Variants in ERCC2 observed in about 807,000 individuals in gnomAD.
ERCC2 encodes general transcription and DNA repair factor IIH helicase subunit XPD.
Under a neutral mutation model 99.4 loss-of-function variants are expected in ERCC2, and 90 were observed. The observed-to-expected ratio is 0.91, with a 90% CI of 0.76 to 1.08. The LOEUF is 1.08. ERCC2 is among the 50% of genes least tolerant of loss of function. The pLI, the probability that ERCC2 is intolerant of heterozygous loss-of-function variation, is 0.00. For missense variants in ERCC2, 993 were observed against 1,038.1 expected (o/e 0.96, Z 0.60); for synonymous variants, 497 against 432.4 (o/e 1.15, Z -1.85).
At chr19:45,363,547 G>A (rs746948724) in intron 11 of ERCC2, among the ~76,000 whole-genome samples, 196 bp downstream of exon 11, 3 of 152,166 alleles carry the variant, frequency 2.0e-5, no homozygotes, top group Non-Finnish European at 2.9e-5. Flanking sequence ...GCCCCTGCCC[G>A]ACGCACGGAC....
At chr19:45,367,162 C>T (rs1334076893) in intron 5 of ERCC2, among the ~76,000 whole-genome samples, 3 of 152,104 alleles carry the variant, frequency 2.0e-5, no homozygotes, top group Non-Finnish European at 2.9e-5. Flanking sequence ...CATGGTGAAA[C>T]ACCGTCTCTA....
At chr19:45,358,108 T>C (rs746845998) in intron 12 of ERCC2, 10 of 300,790 alleles carry the variant, frequency 3.3e-5, no homozygotes, top group South Asian at 1.3e-4. Flanking sequence ...TGCAGTGGCA[T>C]GATCTCGGCT....
In ERCC2 at chr19:45,364,837, CTGAG is replaced by C. The variant is rs767747355; in HGVS notation, c.591_594del (p.Tyr197Ter). The C allele has an allele frequency of 6.2e-6, 10 of 1,610,240 alleles. No homozygotes were observed. The East Asian group carries it at 6.7e-5, about 11-fold the overall frequency. ...TCTGCCCATCCCACCAGCCTCCTCA[CTGAG>C]TATCGAGCAAGGAAGTATGGGCACC... On this transcript the variant is annotated frameshift_variant and splice_region_variant, in exon 7 of 23. Coordinates refer to ENST00000391945, the MANE Select transcript of ERCC2 (RefSeq NM_000400.4). LOFTEE classifies it high-confidence loss of function.
Position 45,364,224 on chromosome 19 carries a change from C to T in ERCC2, c.815+11G>A. On this transcript the variant is annotated intron_variant, in intron 9 of 22. Transcript: ENST00000391945. Reference sequence around the variant, plus strand: ...AGGGCGGGCACCACCGCCAGACGTCCCCGGCCCCACCTGAGCACCGTCTTC... The same window carrying T: ...AGGGCGGGCACCACCGCCAGACGTCTCCGGCCCCACCTGAGCACCGTCTTC... 6.2e-7 allele frequency: 1 copy of T among 1,613,150 alleles called. No homozygotes were observed. The highest frequency in any genetic ancestry group is 1.1e-5 in the South Asian group (1 of 91,062).
At chr19:45,368,475 G>A (rs1000348573) in intron 5 of ERCC2, among the ~76,000 whole-genome samples, 155 bp downstream of exon 5, 4 of 152,170 alleles carry the variant, frequency 2.6e-5, no homozygotes, top group African/African-American at 7.2e-5. Flanking sequence ...CCTGGGCCAC[G>A]ATGAATGAGA....
intron 12 of ERCC2, chr19:45,358,862 A>C (rs1367284432): frequency 1.3e-6 from 1 of 780,856 alleles, no homozygotes; most frequent in Middle Eastern, 2.3e-4. Context: ...CTGGGGGGTT[A>C]GGGATGAGAT....
At chr19:45,358,910 G>A (rs373658241) in intron 12 of ERCC2, 10 of 773,712 alleles carry the variant, frequency 1.3e-5, no homozygotes, top group Non-Finnish European at 2.2e-5. Context: ...TGCTGAGCCT[G>A]GCCTGTTTGT....
intron 17 of ERCC2, among the ~76,000 whole-genome samples, chr19:45,354,037 C>G (rs540271808): frequency 1.3e-5 from 2 of 152,172 alleles, no homozygotes; most frequent in African/African-American, 4.8e-5. Context: ...AGCACAAGGC[C>G]GATGTCCTGG....
rs904013464 is a variant in ERCC2, at chr19:45,351,313, C to T, written c.*316G>A. Reference sequence around the variant, plus strand: ...TCCCAGCTGGCACCTGGACAAGGCCCCTCGGACCCTCAGCGCCAGCACCCA... The same window carrying T: ...TCCCAGCTGGCACCTGGACAAGGCCTCTCGGACCCTCAGCGCCAGCACCCA... On this transcript the variant is annotated 3_prime_UTR_variant, in exon 23 of 23. Transcript: ENST00000391945. The T allele has an allele frequency of 6.2e-7, 1 of 1,612,444 alleles. No individual in the cohort carries two copies. The highest frequency in any genetic ancestry group is 1.3e-5 in the African/African-American group (1 of 74,898).
rs754131214 is a variant in ERCC2 at position 45,370,116 on chromosome 19, G to A, written c.105+17C>T. ...CCCACCGGTCGAGTGGGCGGGTCGG[G>A]CCCACCGGCCACCCACCTTGGCGTC... On this transcript the variant is annotated intron_variant, in intron 2 of 22. Coordinates refer to ENST00000391945, the MANE Select transcript of ERCC2 (RefSeq NM_000400.4). The A allele has an allele frequency of 3.1e-6, 5 of 1,611,906 alleles. No individual in the cohort carries two copies. Among genetic ancestry groups the A allele is most frequent in the South Asian group, 2.2e-5 (2 of 91,014 alleles).
intron 6 of ERCC2, 27 bp downstream of exon 6, chr19:45,365,015 C>G (rs765598884): frequency 1.9e-6 from 3 of 1,610,672 alleles, no homozygotes; most frequent in African/African-American, 1.3e-5. Flanking sequence ...GTCCTGCCTC[C>G]CTCCCTCAGC....
intron 12 of ERCC2, chr19:45,358,670 G>C (rs538204773): frequency 1.6e-6 from 1 of 630,018 alleles, no homozygotes; most frequent in South Asian, 1.8e-5. Flanking sequence ...GCTCCATTTG[G>C]TCATCTGAGA....
Position 45,352,255 on chromosome 19 carries a change from T to C in ERCC2, c.2144A>G (p.Gln715Arg). 1 of 1,614,102 alleles carries C rather than the reference T, an allele frequency of 6.2e-7. No homozygotes were observed. The highest frequency in any genetic ancestry group is 8.5e-7 in the Non-Finnish European group (1 of 1,179,994). Residue 715 changes from glutamine (Q) to arginine (R), a missense_variant, in exon 22 of 23, where the codon CAG (glutamine) becomes CGG (arginine). This residue lies in a region of ERCC2 where 909 missense variants were observed against 930.8 expected (regional missense o/e 0.98). Transcript: ENST00000391945. ...CTGCCGCAGGAAGTACTTGGCCACC[T>C]GGACACCCTCGTCCACGGTCAGGTT... ...NLNLTVDEGV[Q>R]VAKYFLRQMA...
Position 45,360,526 on chromosome 19 carries a change from C to T in ERCC2, c.1237+998G>A, listed in dbSNP as rs141057561. ...TCAAGTAGCTGGGATTACAGGAGCCCACCATCACACCTGGCAAATTGTTGT... is the reference window on the plus strand; with the variant it reads ...TCAAGTAGCTGGGATTACAGGAGCCTACCATCACACCTGGCAAATTGTTGT... On this transcript the variant is annotated intron_variant, in intron 12 of 22. Transcript: ENST00000391945. 3.9e-3 allele frequency among the ~76,000 whole-genome samples: 588 copies of T among 151,944 alleles called. 2 individuals are homozygous for T. Among genetic ancestry groups the T allele is most frequent in the African/African-American group, 0.013 (557 of 41,444 alleles).
In ERCC2 at chr19:45,356,738, C is replaced by T. The variant is rs1014495690; in HGVS notation, c.1479+532G>A. ...ATCAGAATCACCTGAATCCAGGAGG[C>T]GGAGGTTGCAGTGAGCTGAGATCCG... On this transcript the variant is annotated intron_variant, in intron 15 of 22. Coordinates refer to ENST00000391945, the MANE Select transcript of ERCC2 (RefSeq NM_000400.4). Among the ~76,000 whole-genome samples, 10 of 152,282 alleles carry T rather than the reference C, an allele frequency of 6.6e-5. No homozygotes were observed. In the South Asian group the frequency reaches 1.2e-3, roughly 19 times the overall value.
At position 45,350,179 on chromosome 19, in the gene ERCC2, T is replaced by C. The variant is rs1971657556; in HGVS notation, c.*1450A>G. 3.2e-6 allele frequency: 2 copies of C among 616,078 alleles called. No homozygotes were observed. 38.2% of individuals were successfully genotyped at this position (616,078 alleles called of 1,614,324 possible). On this transcript the variant is annotated 3_prime_UTR_variant, in exon 23 of 23. Transcript: ENST00000391945. ...GTTCACGCTTGTAACCCCAACACTTTGGGAGGCCAAGGCAGGAGGATCACT... is the reference window on the plus strand; with the variant it reads ...GTTCACGCTTGTAACCCCAACACTTCGGGAGGCCAAGGCAGGAGGATCACT...
At chr19:45,368,001 G>A (rs1443447950) in intron 5 of ERCC2, among the ~76,000 whole-genome samples, 3 of 151,036 alleles carry the variant, frequency 2.0e-5, no homozygotes, top group Non-Finnish European at 2.9e-5. Context: ...GGGTACAAGC[G>A]ATTGGCATTA....
In ERCC2 at chr19:45,349,932, G is replaced by A; in HGVS notation, c.*1697C>T. The A allele has an allele frequency of 2.4e-6, 1 of 420,852 alleles. No homozygotes were observed. The allele number at this position is 420,852 out of a possible 1,614,324, so 26.1% of individuals were successfully genotyped here. ...TTCTTATAGCGTCCCTATGAGGTGG[G>A]AGCTGTCGCTCCACTTTGCGTGTGG... On this transcript the variant is annotated 3_prime_UTR_variant, in exon 23 of 23. Transcript: ENST00000391945.
chr19:45,369,939 G>A (rs1207231620), intron 2 of ERCC2, among the ~76,000 whole-genome samples, 194 bp downstream of exon 2: 1 of 152,204 alleles, frequency 6.6e-6, no homozygotes, highest in East Asian at 1.9e-4. Context: ...TCCTCCCAAA[G>A]CTCTGGGATT....
Sources: gnomAD v4.1 joint callset for allele counts (sites outside exome capture counted in the v4.1 genomes callset) on GRCh38, gnomAD v4.1.1 for gene constraint, gnomAD v4.1.1 regional missense constraint, MANE v1.5 for transcripts, NCBI Gene and HGNC (gene_info 2026-07-23, HGNC 2026-07-21) for gene names.